The following CLDN10 variants were observed in gnomAD, a reference collection of about 807,000 sequenced individuals.
The protein encoded by CLDN10 is claudin 10.
In CLDN10, 15 loss-of-function variants were observed where a neutral mutation model predicts 22.9. The ratio of observed to expected loss-of-function variants is 0.65; its 90% confidence interval spans 0.44 to 1.01. The LOEUF is 1.01. CLDN10 is among the 50% of genes least tolerant of loss of function. The pLI is 0.00. For missense variants in CLDN10, 247 were observed against 287.8 expected (o/e 0.86, Z 1.03); for synonymous variants, 114 against 111.4 (o/e 1.02, Z -0.15).
chr13:95,535,518 GACAA>G lies in CLDN10; in HGVS notation c.215-24608_215-24605del, dbSNP rs567043532. On this transcript the variant is annotated intron_variant, in intron 1 of 4. Coordinates refer to the CLDN10 transcript ENST00000376873. ...ACTTGCTTGGCAGACTGAGTGGGTA[GACAA>G]ACAAATATGGTTCATGGTTCAGTGG... Among the ~76,000 whole-genome samples the G allele has an allele frequency of 6.5e-4, 98 of 150,156 alleles. 2 individuals are homozygous for G. In the East Asian group the frequency reaches 0.019, roughly 29 times the overall value.
At chr13:95,558,596 T>C (rs2043666845) in intron 1 of CLDN10, among the ~76,000 whole-genome samples, 1 of 152,168 alleles carries the variant, frequency 6.6e-6, no homozygotes, top group Admixed American at 6.5e-5. Flanking sequence ...GTCCAAGGAA[T>C]AGGATTAAAA....
rs1051455894 is a variant in CLDN10, at chr13:95,500,938, G to A, written c.215-59194G>A. Among the ~76,000 whole-genome samples the A allele has an allele frequency of 4.6e-5, 7 of 152,152 alleles. No individual in the cohort carries two copies. The East Asian group carries it at 1.2e-3, about 25-fold the overall frequency. The stretch of plus-strand genomic sequence containing the variant: ...GAGCAAAAGGAGTGGAAGAAGCAGA[G>A]AGGGCGCGGCATGTAAGGGATACCA... On this transcript the variant is annotated intron_variant, in intron 1 of 4. Coordinates refer to the CLDN10 transcript ENST00000376873.
At chr13:95,522,845 G>A (rs1372473622) in intron 1 of CLDN10, among the ~76,000 whole-genome samples, 1 of 151,820 alleles carries the variant, frequency 6.6e-6, no homozygotes, top group Admixed American at 6.6e-5. Flanking sequence ...GCCCTAAGTA[G>A]TTTGTCTAAT....
chr13:95,547,395 C>A (rs188154316), intron 1 of CLDN10, among the ~76,000 whole-genome samples: 18 of 152,232 alleles, frequency 1.2e-4, no homozygotes, highest in Admixed American at 4.6e-4. Flanking sequence ...ACACTTCAGC[C>A]TTATTCACTT....
At chr13:95,522,289 A>G (rs962989415) in intron 1 of CLDN10, among the ~76,000 whole-genome samples, 1 of 151,998 alleles carries the variant, frequency 6.6e-6, no homozygotes, top group Non-Finnish European at 1.5e-5. Flanking sequence ...ATACTGCTTC[A>G]CTTGCATTCC....
intron 1 of CLDN10, among the ~76,000 whole-genome samples, chr13:95,471,440 C>CACACACATATATATATATAT (rs746573300): frequency 8.9e-4 from 93 of 104,350 alleles, no homozygotes; most frequent in Non-Finnish European, 1.5e-3. Flanking sequence ...CACACACACA[C>CACACACATATATATATATAT]ATATATATAT....
chr13:95,555,057 T>TTG (rs1555299146), intron 1 of CLDN10, among the ~76,000 whole-genome samples: 1 of 147,066 alleles, frequency 6.8e-6, no homozygotes, highest in African/African-American at 2.5e-5. Flanking sequence ...GTTTTTTTTT[T>TTG]TTTTTTTTTT....
At chr13:95,477,265 A>G (rs544552208) in intron 1 of CLDN10, among the ~76,000 whole-genome samples, 21 of 152,248 alleles carry the variant, frequency 1.4e-4, no homozygotes, top group Non-Finnish European at 2.5e-4. Context: ...AAGAGTGGGC[A>G]AGGCAGGGTT....
chr13:95,450,311 C>T lies in CLDN10; in HGVS notation c.214+16264C>T, dbSNP rs1037319779. 2.0e-4 allele frequency among the ~76,000 whole-genome samples: 31 copies of T among 152,320 alleles called. No homozygotes were observed. The East Asian group carries it at 5.0e-3, about 25-fold the overall frequency. On this transcript the variant is annotated intron_variant, in intron 1 of 4. Coordinates refer to the CLDN10 transcript ENST00000376873. ...TTTTCAAGACTGCTTTGAAACCAGACTTTGTTGTGTTTGTGTTAGCTAATC... is the reference window on the plus strand; with the variant it reads ...TTTTCAAGACTGCTTTGAAACCAGATTTTGTTGTGTTTGTGTTAGCTAATC...
At chr13:95,447,757 G>A (rs2042394798) in intron 1 of CLDN10, among the ~76,000 whole-genome samples, 1 of 151,998 alleles carries the variant, frequency 6.6e-6, no homozygotes. Flanking sequence ...GTGTGTGTGT[G>A]TGTGTGTGTG....
intron 1 of CLDN10, among the ~76,000 whole-genome samples, chr13:95,547,150 G>A (rs1033233160): frequency 1.3e-5 from 2 of 151,400 alleles, no homozygotes; most frequent in Non-Finnish European, 2.9e-5. Flanking sequence ...CCTCTGGAGG[G>A]GCTGGGAGAG....
intron 1 of CLDN10, among the ~76,000 whole-genome samples, chr13:95,437,731 G>C (rs562606775): frequency 3.3e-5 from 5 of 152,316 alleles, no homozygotes; most frequent in African/African-American, 1.2e-4. Flanking sequence ...CTGAATTGAG[G>C]AGCGAGTGAG....
chr13:95,560,640 T>A lies in CLDN10; in HGVS notation c.464+177T>A, dbSNP rs1265874590. The A allele has an allele frequency of 2.5e-5, 15 of 599,700 alleles. No homozygotes were observed. In the East Asian group the frequency reaches 4.2e-4, roughly 17 times the overall value. The allele number at this position is 599,700 out of a possible 1,614,324, so 37.1% of individuals were successfully genotyped here. The stretch of plus-strand genomic sequence containing the variant: ...ATATGCCACATACGCAAAATATGCA[T>A]TTAATTAGTTTGCTAGTGTTGCAGT... On this transcript the variant is annotated intron_variant, in intron 3 of 4. Transcript: ENST00000299339.
intron 1 of CLDN10, among the ~76,000 whole-genome samples, chr13:95,437,392 G>A (rs72649647): frequency 0.25 from 37,578 of 152,112 alleles, 5,001 homozygotes; most frequent in Non-Finnish European, 0.3. Flanking sequence ...GCTAGGTCTC[G>A]TTTTGTTGTG....
intron 3 of CLDN10, among the ~76,000 whole-genome samples, chr13:95,574,128 C>T (rs1468448803): frequency 1.3e-5 from 2 of 152,088 alleles, no homozygotes; most frequent in South Asian, 4.1e-4. Flanking sequence ...CATTGATGGA[C>T]ATTTGGGTTG....
chr13:95,516,315 T>C (rs1045250167), intron 1 of CLDN10, among the ~76,000 whole-genome samples: 3 of 152,170 alleles, frequency 2.0e-5, no homozygotes, highest in Non-Finnish European at 4.4e-5. Context: ...TATTATAAAA[T>C]ATAAGAAACA....
At chr13:95,464,464 G>A (rs1484884991) in intron 1 of CLDN10, among the ~76,000 whole-genome samples, 1 of 152,144 alleles carries the variant, frequency 6.6e-6, no homozygotes, top group Non-Finnish European at 1.5e-5. Context: ...GTATTCCATG[G>A]TGTATATGTG....
chr13:95,440,884 A>C (rs981759504), intron 1 of CLDN10, among the ~76,000 whole-genome samples: 1 of 152,240 alleles, frequency 6.6e-6, no homozygotes, highest in Admixed American at 6.5e-5. Flanking sequence ...AGCGGTCAGA[A>C]TGACCTCAAT....
chr13:95,440,194 G>A (rs2042311617), intron 1 of CLDN10, among the ~76,000 whole-genome samples: 1 of 152,170 alleles, frequency 6.6e-6, no homozygotes, highest in African/African-American at 2.4e-5. Context: ...TTACAGGCGT[G>A]AGCCACCATG....
Sources: gnomAD v4.1 joint callset for allele counts (sites outside exome capture counted in the v4.1 genomes callset) on GRCh38, gnomAD v4.1.1 for gene constraint, MANE v1.5 for transcripts, NCBI Gene and HGNC (gene_info 2026-07-23, HGNC 2026-07-21) for gene names.